TRAF1: variants seen among roughly 807,000 people sequenced by gnomAD.
The protein encoded by TRAF1 is TNF receptor-associated factor 1.
Under a neutral mutation model 40.9 loss-of-function variants are expected in TRAF1, and 23 were observed. That is an observed-to-expected ratio of 0.56 (90% CI 0.40 to 0.80). TRAF1 has a LOEUF of 0.80. Ranked by LOEUF, TRAF1 falls within the 30% of genes least tolerant of loss-of-function variation. The pLI is 0.00. For synonymous variants in TRAF1, 206 were observed against 218.8 expected (o/e 0.94, Z 0.52); for missense variants, 477 against 528.7 (o/e 0.90, Z 0.96).
chr9:120,909,961 G>A (rs552863997), intron 6 of TRAF1, among the ~76,000 whole-genome samples: 4 of 152,298 alleles, frequency 2.6e-5, no homozygotes, highest in South Asian at 4.1e-4. Context: ...TGGAGGCTGG[G>A]GGTACATGGG....
intron 5 of TRAF1, among the ~76,000 whole-genome samples, chr9:120,912,196 C>A (rs912971445): frequency 6.6e-5 from 10 of 152,194 alleles, no homozygotes; most frequent in Middle Eastern, 6.8e-3. Flanking sequence ...TTGCTCAGAC[C>A]CACACGGCAG....
At chr9:120,917,474 G>C (rs1184440555) in intron 3 of TRAF1, among the ~76,000 whole-genome samples, 1 of 152,188 alleles carries the variant, frequency 6.6e-6, no homozygotes, top group Admixed American at 6.5e-5. Context: ...AGGATTAAAT[G>C]AGATAATACA....
rs1374713029 is a variant in TRAF1, at chr9:120,909,571, G to C, written c.884-193C>G. ...GGGTCATCTAGCTTAGTGTTTGTCA[G>C]CTGGCCATCCAAGTCATACACTGCC... On this transcript the variant is annotated intron_variant, in intron 6 of 7. Coordinates refer to ENST00000373887, the MANE Select transcript of TRAF1 (RefSeq NM_005658.5). Among the ~76,000 whole-genome samples the C allele has an allele frequency of 3.9e-5, 6 of 152,182 alleles. No individual in the cohort carries two copies. The East Asian group carries it at 1.2e-3, about 29-fold the overall frequency.
At chr9:120,913,295 G>C (rs544561005) in intron 5 of TRAF1, 33 bp downstream of exon 5, 2 of 1,565,340 alleles carry the variant, frequency 1.3e-6, no homozygotes, top group African/African-American at 2.7e-5. Context: ...GGGCTCAGCC[G>C]GGCTTGAAGG....
At chr9:120,918,299 T>C (rs1329395266) in intron 3 of TRAF1, among the ~76,000 whole-genome samples, 1 of 152,050 alleles carries the variant, frequency 6.6e-6, no homozygotes, top group Non-Finnish European at 1.5e-5. Flanking sequence ...CCTAACACAG[T>C]GTTCAATAAA....
At position 120,909,170 on chromosome 9, in the gene TRAF1, A is replaced by G. The variant is rs2046505636; in HGVS notation, c.1032+60T>C. On this transcript the variant is annotated intron_variant, in intron 7 of 7. Coordinates refer to ENST00000373887, the MANE Select transcript of TRAF1 (RefSeq NM_005658.5). ...CACATGGCCAATTCATTGCCAAACC[A>G]GGACTAGGACTCAGGCTTCCATGCT... is the stretch of plus-strand genomic sequence containing the variant. 4 of 1,569,958 alleles carry G rather than the reference A, an allele frequency of 2.5e-6. No homozygotes were observed. The African/African-American group carries it at 4.1e-5, about 16-fold the overall frequency.
At chr9:120,908,133 G>A (rs1489112720) in intron 7 of TRAF1, among the ~76,000 whole-genome samples, 1 of 151,746 alleles carries the variant, frequency 6.6e-6, no homozygotes, top group African/African-American at 2.4e-5. Context: ...ACAATTTCTT[G>A]TATACATAAA....
rs1363709731 is a variant in TRAF1 at position 120,916,764 on chromosome 9, A to C, written c.229-2464T>G. Among the ~76,000 whole-genome samples, 9 of 151,880 alleles carry C rather than the reference A, an allele frequency of 5.9e-5. No homozygotes were observed. The East Asian group carries it at 1.7e-3, about 29-fold the overall frequency. On this transcript the variant is annotated intron_variant, in intron 3 of 7. Coordinates refer to ENST00000373887, the MANE Select transcript of TRAF1 (RefSeq NM_005658.5). ...TAATAGAAAACAGATGTTCTATGGA[A>C]GGCAGGCAGAGGGCGGCCTTGGCAG...
At chr9:120,922,187 C>A (rs930185522) in intron 3 of TRAF1, among the ~76,000 whole-genome samples, 3 of 152,146 alleles carry the variant, frequency 2.0e-5, no homozygotes, top group African/African-American at 7.2e-5. Context: ...CGTGTGTAAA[C>A]AAGAGGATTT....
chr9:120,923,282 TG>T (rs2046616498), intron 3 of TRAF1, among the ~76,000 whole-genome samples: 1 of 152,252 alleles, frequency 6.6e-6, no homozygotes. Context: ...ACAAGCAAGC[TG>T]TGGCTTGAGA....
intron 3 of TRAF1, among the ~76,000 whole-genome samples, chr9:120,918,001 T>G (rs2046580264): frequency 6.6e-6 from 1 of 152,070 alleles, no homozygotes; most frequent in African/African-American, 2.4e-5. Context: ...GCAATGTGAC[T>G]GGTATCCTTT....
In TRAF1 at chr9:120,905,103, G is replaced by C. The variant is rs916860915; in HGVS notation, c.1168C>G (p.Leu390Val). ...TGCTTGGGTGACTGCAGTTTGCTGA[G>C]GGGGAAGAAGAGTGGGCATCCACTG... ...VASGCPLFFP[L>V]SKLQSPKHAY... The change falls in exon 8 of 8, where the codon CTC becomes GTC. Residue 390 changes from leucine (L) to valine (V), a missense_variant. Coordinates refer to ENST00000373887, the MANE Select transcript of TRAF1 (RefSeq NM_005658.5). 1 of 1,614,268 alleles carries C rather than the reference G, an allele frequency of 6.2e-7. No individual in the cohort carries two copies. Among genetic ancestry groups the C allele is most frequent in the Non-Finnish European group, 8.5e-7 (1 of 1,180,046 alleles).
At chr9:120,915,098 C>T (rs182988590) in intron 3 of TRAF1, among the ~76,000 whole-genome samples, 1 of 152,290 alleles carries the variant, frequency 6.6e-6, no homozygotes, top group African/African-American at 2.4e-5. Context: ...ACATCACTAC[C>T]TCTTAACAGG....
At chr9:120,912,676 G>GAAAGAAAAGA (rs71508125) in intron 5 of TRAF1, among the ~76,000 whole-genome samples, 29 of 150,532 alleles carry the variant, frequency 1.9e-4, no homozygotes, top group Non-Finnish European at 3.7e-4. Flanking sequence ...AAAAAAGAAA[G>GAAAGAAAAGA]AAAGAAAAGA....
intron 3 of TRAF1, among the ~76,000 whole-genome samples, chr9:120,919,192 G>A (rs1019875952): frequency 1.3e-5 from 2 of 152,260 alleles, no homozygotes; most frequent in African/African-American, 4.8e-5. Flanking sequence ...AGTGGCCCCT[G>A]TGTGAGTGGC....
intron 7 of TRAF1, among the ~76,000 whole-genome samples, chr9:120,906,866 T>C (rs2046486875): frequency 6.6e-6 from 1 of 152,066 alleles, no homozygotes; most frequent in Non-Finnish European, 1.5e-5. Flanking sequence ...TAGCTTTTGT[T>C]TTTGTTTTTG....
At chr9:120,915,111 T>C (rs1294169792) in intron 3 of TRAF1, among the ~76,000 whole-genome samples, 1 of 151,906 alleles carries the variant, frequency 6.6e-6, no homozygotes, top group Admixed American at 6.5e-5. Context: ...TTAACAGGAG[T>C]CAGCCCAGGA....
chr9:120,917,124 G>A (rs1469054925), intron 3 of TRAF1, among the ~76,000 whole-genome samples: 2 of 152,242 alleles, frequency 1.3e-5, no homozygotes, highest in Admixed American at 6.5e-5. Flanking sequence ...AACAGCAAAT[G>A]TCTGTTTTAG....
intron 7 of TRAF1, 93 bp downstream of exon 7, chr9:120,909,137 T>G: frequency 6.7e-7 from 1 of 1,487,798 alleles, no homozygotes; most frequent in Non-Finnish European, 9.1e-7. Flanking sequence ...GTGGGGGACT[T>G]GCCAGGTCAC....
Sources: allele counts gnomAD v4.1 joint callset (sites outside exome capture counted in the v4.1 genomes callset), GRCh38; gene constraint gnomAD v4.1.1; transcripts MANE v1.5; gene names NCBI Gene and HGNC (gene_info 2026-07-23, HGNC 2026-07-21).